Variants in DSN1 observed in about 807,000 individuals in gnomAD.
DSN1 encodes the protein DSN1 component of MIS12 kinetochore complex, also known as kinetochore-associated protein DSN1 homolog.
A neutral mutation model predicts 45.7 loss-of-function variants in DSN1; 31 were observed. The ratio of observed to expected loss-of-function variants is 0.68; its 90% CI spans 0.51 to 0.92. The LOEUF (loss-of-function observed/expected upper bound fraction) is 0.92. DSN1 is among the 40% of genes least tolerant of loss of function. The pLI, the probability that DSN1 is intolerant of heterozygous loss-of-function variation, is 0.00. For synonymous variants in DSN1, 134 were observed against 142.3 expected, an observed-to-expected ratio of 0.94 and a Z score of 0.41; for missense variants, 394 against 414.2, an observed-to-expected ratio of 0.95 and a Z score of 0.42.
Position 36,758,148 on chromosome 20 carries a change from G to A in DSN1, c.664C>T (p.Arg222Cys), listed in dbSNP as rs138094436. 2.9e-5 allele frequency: 46 copies of A among 1,613,750 alleles called. No individual in the cohort carries two copies. In the Middle Eastern group the frequency reaches 4.9e-4, roughly 17 times the overall value. The change falls in exon 8 of 11, where the codon CGT becomes TGT. Residue 222 changes from arginine (R) to cysteine (C), a missense_variant. Arg to Cys is a radical substitution (Grantham distance 180, BLOSUM62 -3). Transcript: ENST00000373750. Reference sequence around the variant, plus strand: ...AGCAAGAGCTGATCCCAAGTCTGACGTTCTAAAGAAAACCTGTAAGAATCA... The same window carrying A: ...AGCAAGAGCTGATCCCAAGTCTGACATTCTAAAGAAAACCTGTAAGAATCA... ...KEYITKFSLERQTWDQLLLHY... is the reference protein window; with the variant it reads ...KEYITKFSLECQTWDQLLLHY...
At chr20:36,765,923 T>C (rs1987305895) in intron 5 of DSN1, among the ~76,000 whole-genome samples, 1 of 149,518 alleles carries the variant, frequency 6.7e-6, no homozygotes, top group African/African-American at 2.5e-5. Context: ...CCGGGCACAG[T>C]GGCTTGTACC....
chr20:36,769,608 C>T (rs575432394), intron 3 of DSN1, among the ~76,000 whole-genome samples: 1 of 152,080 alleles, frequency 6.6e-6, no homozygotes, highest in African/African-American at 2.4e-5. Context: ...TAGGACGATA[C>T]CTTAAAACTA....
intron 3 of DSN1, among the ~76,000 whole-genome samples, chr20:36,769,954 CAGAG>C (rs1386580365): frequency 1.2e-4 from 12 of 101,784 alleles, no homozygotes; most frequent in African/African-American, 3.8e-4. Context: ...GAGAGAGAGA[CAGAG>C]AGAGAAAGAA....
At chr20:36,755,051 C>G (rs1258951899) in intron 9 of DSN1, among the ~76,000 whole-genome samples, 1 of 152,114 alleles carries the variant, frequency 6.6e-6, no homozygotes, top group Non-Finnish European at 1.5e-5. Context: ...GGAGGCTGAC[C>G]CATGTAACCT....
intron 6 of DSN1, among the ~76,000 whole-genome samples, chr20:36,760,697 A>G (rs937333385): frequency 2.6e-5 from 4 of 152,018 alleles, no homozygotes; most frequent in Non-Finnish European, 5.9e-5. Flanking sequence ...AGACCAGTCT[A>G]GACAATACGG....
Position 36,767,994 on chromosome 20 carries a change from C to T in DSN1, c.404G>A (p.Gly135Asp), listed in dbSNP as rs1376590851. The T allele has an allele frequency of 6.2e-7, 1 of 1,613,978 alleles. No individual in the cohort carries two copies. The highest frequency in any genetic ancestry group is 8.5e-7 in the Non-Finnish European group (1 of 1,180,006). The change falls in exon 4 of 11, where the codon GGC becomes GAC. Residue 135 changes from glycine to aspartate, a missense_variant. Transcript: ENST00000373750. ...SVDLAESKRL[G>D]CLLLSSFQFS... The stretch of plus-strand genomic sequence containing the variant: ...CTGGAAACTGGAAAGCAGGAGACAG[C>T]CAAGCCGTTTGCTTTCTGCTAAATC...
chr20:36,773,633 G>A (rs1374528096), intron 1 of DSN1, 29 bp downstream of exon 1: 16 of 985,498 alleles, frequency 1.6e-5, no homozygotes, highest in Non-Finnish European at 1.8e-5. Flanking sequence ...GTGACTTCCT[G>A]ACGCCCGTCC....
In DSN1 at chr20:36,758,621, G is replaced by C; in HGVS notation, c.591-4C>G. The C allele has an allele frequency of 6.2e-7, 1 of 1,610,018 alleles. No individual in the cohort carries two copies. Among genetic ancestry groups the C allele is most frequent in the Non-Finnish European group, 8.5e-7 (1 of 1,178,558 alleles). On this transcript the variant is annotated splice_polypyrimidine_tract_variant and splice_region_variant and intron_variant, in intron 6 of 10. Coordinates refer to ENST00000373750, the MANE Select transcript of DSN1 (RefSeq NM_001145315.2). ...CAAAGAAAAATCTGATGCTTTTCTG[G>C]AAAACAGATAGGATTATGACATAAA...
intron 2 of DSN1, 75 bp downstream of exon 2, chr20:36,771,350 G>A (rs1210566447): frequency 2.6e-6 from 4 of 1,528,112 alleles, no homozygotes; most frequent in Non-Finnish European, 2.7e-6. Context: ...TCTACCAGGA[G>A]CCAGGAAAGA....
At chr20:36,760,073 G>A (rs1196557610) in intron 6 of DSN1, among the ~76,000 whole-genome samples, 7 of 151,440 alleles carry the variant, frequency 4.6e-5, no homozygotes, top group East Asian at 2.0e-4. Context: ...GTGAAACCCC[G>A]TCTCTACTAA....
intron 1 of DSN1, among the ~76,000 whole-genome samples, chr20:36,772,614 G>A (rs181635334): frequency 2.6e-5 from 4 of 152,272 alleles, no homozygotes; most frequent in African/African-American, 4.8e-5. Flanking sequence ...GACAGTTGCC[G>A]GGACTTTTCC....
chr20:36,760,780 C>A (rs375846722), intron 6 of DSN1, among the ~76,000 whole-genome samples: 1 of 151,978 alleles, frequency 6.6e-6, no homozygotes, highest in Admixed American at 6.6e-5. Flanking sequence ...CCTAGCTACT[C>A]GGGTTAGGCT....
At chr20:36,752,942 G>A (rs746896103) in intron 10 of DSN1, 45 bp from the exon 11 acceptor site, 16 of 1,495,518 alleles carry the variant, frequency 1.1e-5, no homozygotes, top group Admixed American at 5.0e-5. Flanking sequence ...TTGAAATAAC[G>A]TAACATTTAT....
intron 9 of DSN1, among the ~76,000 whole-genome samples, chr20:36,755,294 C>G (rs1986609796): frequency 6.6e-6 from 1 of 152,034 alleles, no homozygotes; most frequent in African/African-American, 2.4e-5. Flanking sequence ...TGAAAATAAA[C>G]TCTCCTTGAA....
At chr20:36,766,184 G>A (rs1344408884) in intron 5 of DSN1, among the ~76,000 whole-genome samples, 55 of 120,034 alleles carry the variant, frequency 4.6e-4, no homozygotes, top group African/African-American at 1.6e-3. Flanking sequence ...ACAGAGCCGC[G>A]ACTCCATCTC....
At chr20:36,759,408 C>T (rs887378424) in intron 6 of DSN1, among the ~76,000 whole-genome samples, 7 of 152,192 alleles carry the variant, frequency 4.6e-5, no homozygotes, top group Admixed American at 3.3e-4. Flanking sequence ...AGCCACCATG[C>T]CCAGAATCCC....
intron 3 of DSN1, among the ~76,000 whole-genome samples, chr20:36,769,873 C>T (rs993504641): frequency 6.9e-6 from 1 of 145,616 alleles, no homozygotes; most frequent in African/African-American, 2.5e-5. Context: ...TTCTGTATAG[C>T]ATCCCTAAAA....
Position 36,752,795 on chromosome 20 carries a change from C to G in DSN1, c.1064G>C (p.Cys355Ser). The G allele has an allele frequency of 1.2e-6, 2 of 1,614,064 alleles. No homozygotes were observed. The highest frequency in any genetic ancestry group is 1.7e-6 in the Non-Finnish European group (2 of 1,179,924). ...PAIHGSGSGS[C>S]Q Reference sequence around the variant, plus strand: ...GCAGAAACTCTCATAAAGTCACTGACAAGATCCAGATCCAGATCCATGTAT... The same window carrying G: ...GCAGAAACTCTCATAAAGTCACTGAGAAGATCCAGATCCAGATCCATGTAT... Residue 355 changes from cysteine (C) to serine (S), a missense_variant, in exon 11 of 11, where the codon TGT (cysteine) becomes TCT (serine). Cys to Ser is a moderately radical substitution (Grantham distance 112). Transcript: ENST00000373750.
At position 36,755,836 on chromosome 20, in the gene DSN1, A is replaced by G. The variant is rs779084103; in HGVS notation, c.726-7T>C. The G allele has an allele frequency of 7.5e-6, 12 of 1,605,268 alleles. No individual in the cohort carries two copies. In the East Asian group the frequency reaches 2.7e-4, roughly 36 times the overall value. On this transcript the variant is annotated splice_polypyrimidine_tract_variant and splice_region_variant and intron_variant, in intron 8 of 10. Coordinates refer to ENST00000373750, the MANE Select transcript of DSN1 (RefSeq NM_001145315.2). ...TTTGGCCTCAGTTGATCCTCTAAAA[A>G]CAAAACACAAGAGCTTTTGAGAGAT...
Sources: allele counts gnomAD v4.1 joint callset (sites outside exome capture counted in the v4.1 genomes callset), GRCh38; gene constraint gnomAD v4.1.1; transcripts MANE v1.5; gene names NCBI Gene and HGNC (gene_info 2026-07-23, HGNC 2026-07-21).